RGS6: variants seen among roughly 807,000 people sequenced by gnomAD.
The protein encoded by RGS6 is regulator of G protein signaling 6.
A neutral mutation model predicts 78.5 loss-of-function variants in RGS6; 30 were observed. That is an observed-to-expected ratio of 0.38 (90% CI 0.29 to 0.52). The LOEUF is 0.52. Among genes scored for constraint, RGS6 ranks in the 20% least tolerant of loss-of-function variants. The pLI, the probability that RGS6 is intolerant of heterozygous loss-of-function variation, is 0.85. For synonymous variants in RGS6, 206 were observed against 206.0 expected (o/e 1.00, Z 0.00); for missense variants, 495 against 609.7 (o/e 0.81, Z 1.98).
intron 12 of RGS6, among the ~76,000 whole-genome samples, chr14:72,479,674 A>T (rs1371318657): frequency 6.6e-6 from 1 of 152,140 alleles, no homozygotes; most frequent in Non-Finnish European, 1.5e-5. Flanking sequence ...TAGGCTGCAG[A>T]ATCACCTCAT....
At position 72,042,394 on chromosome 14, in the gene RGS6, G is replaced by A. The variant is rs188842257; in HGVS notation, c.84+77519G>A. Reference sequence around the variant, plus strand: ...TCCTCCTGCTTCGGCCTCACAAAGTGCTGGGATTATGGGCATGAGCCACCG... The same window carrying A: ...TCCTCCTGCTTCGGCCTCACAAAGTACTGGGATTATGGGCATGAGCCACCG... On this transcript the variant is annotated intron_variant, in intron 2 of 17. Transcript: ENST00000553525. Among the ~76,000 whole-genome samples, 456 of 152,152 alleles carry A rather than the reference G, an allele frequency of 3.0e-3. 1 individual carries two copies. Among genetic ancestry groups the A allele is most frequent in the African/African-American group, 9.9e-3 (410 of 41,530 alleles).
intron 2 of RGS6, among the ~76,000 whole-genome samples, chr14:72,119,112 A>G (rs948496612): frequency 2.6e-5 from 4 of 152,134 alleles, no homozygotes; most frequent in Non-Finnish European, 1.5e-5. Context: ...ATGAGATTGA[A>G]TTGGGGGAGG....
intron 3 of RGS6, among the ~76,000 whole-genome samples, chr14:72,452,064 T>A (rs1013214782): frequency 2.6e-5 from 4 of 152,110 alleles, no homozygotes; most frequent in African/African-American, 9.7e-5. Context: ...CTATTTTTCT[T>A]TTGAGGAAAA....
chr14:72,438,335 G>A (rs761616037), intron 3 of RGS6, among the ~76,000 whole-genome samples: 5 of 151,928 alleles, frequency 3.3e-5, no homozygotes, highest in Non-Finnish European at 5.9e-5. Flanking sequence ...ATCCAGCCTC[G>A]CTGCCTGAAG....
chr14:72,157,364 A>G (rs149681), intron 2 of RGS6, among the ~76,000 whole-genome samples: 1 of 151,884 alleles, frequency 6.6e-6, no homozygotes, highest in Non-Finnish European at 1.5e-5. Flanking sequence ...AGTTCAGAAC[A>G]TTTGGGTTCC....
intron 2 of RGS6, among the ~76,000 whole-genome samples, chr14:72,061,894 A>G (rs1226140658): frequency 6.6e-6 from 1 of 152,206 alleles, no homozygotes; most frequent in Non-Finnish European, 1.5e-5. Flanking sequence ...CTCCACAAAC[A>G]TTTATTGGGC....
chr14:72,088,479 T>C (rs1597364484), intron 2 of RGS6, among the ~76,000 whole-genome samples: 1 of 152,166 alleles, frequency 6.6e-6, no homozygotes, highest in East Asian at 1.9e-4. Flanking sequence ...GGGCTTCATT[T>C]GAAATGATGG....
chr14:72,365,971 T>C (rs1177574549), intron 3 of RGS6, among the ~76,000 whole-genome samples: 1 of 152,098 alleles, frequency 6.6e-6, no homozygotes, highest in Non-Finnish European at 1.5e-5. Flanking sequence ...GGAGCCAAAG[T>C]CCTGGAGAAC....
At chr14:72,034,987 A>G (rs2091471207) in intron 2 of RGS6, among the ~76,000 whole-genome samples, 1 of 152,184 alleles carries the variant, frequency 6.6e-6, no homozygotes, top group African/African-American at 2.4e-5. Flanking sequence ...GTAGCATGAT[A>G]AAATCTCCCA....
the RGS6 span, among the ~76,000 whole-genome samples, chr14:72,605,351 G>A: frequency 6.6e-6 from 1 of 152,252 alleles, no homozygotes; most frequent in Non-Finnish European, 1.5e-5. Flanking sequence ...GAGATGGCAG[G>A]CGGGCGCTTG....
At chr14:72,112,384 G>GGGATTAAGAGATGCAAC (rs2153550377) in intron 2 of RGS6, among the ~76,000 whole-genome samples, 1 of 152,278 alleles carries the variant, frequency 6.6e-6, no homozygotes, top group South Asian at 2.1e-4. Context: ...TTCTCCTCCA[G>GGGATTAAGAGATGCAAC]GGATTAAGAG....
intron 12 of RGS6, among the ~76,000 whole-genome samples, chr14:72,484,044 G>A (rs1320242991): frequency 6.6e-6 from 1 of 151,490 alleles, no homozygotes; most frequent in Admixed American, 6.6e-5. Flanking sequence ...GTGCTGCTCT[G>A]CTTCTCATTT....
chr14:72,180,333 T>C (rs1001949588), intron 2 of RGS6, among the ~76,000 whole-genome samples: 8 of 152,234 alleles, frequency 5.3e-5, no homozygotes, highest in African/African-American at 1.9e-4. Context: ...AGATAGCAGC[T>C]GTTGTTGGAA....
chr14:72,304,340 C>T (rs2066756233), intron 2 of RGS6, among the ~76,000 whole-genome samples: 1 of 152,186 alleles, frequency 6.6e-6, no homozygotes, highest in Admixed American at 6.5e-5. Context: ...TAGAACTAGT[C>T]CATATTACCA....
At chr14:72,628,777 A>G in the RGS6 span, among the ~76,000 whole-genome samples, 2 of 152,202 alleles carry the variant, frequency 1.3e-5, no homozygotes, top group Non-Finnish European at 2.9e-5. Flanking sequence ...GACAGAGGAA[A>G]ATGTCAGACA....
the RGS6 span, chr14:72,629,850 A>C: frequency 1.2e-6 from 1 of 867,796 alleles, no homozygotes; most frequent in Non-Finnish European, 1.8e-6. Flanking sequence ...GGGTAGCATG[A>C]CGTAGGGAAA....
chr14:71,993,413 GTAA>G (rs1158722041), intron 2 of RGS6, among the ~76,000 whole-genome samples: 3 of 152,092 alleles, frequency 2.0e-5, no homozygotes, highest in African/African-American at 4.8e-5. Context: ...TATAATAATA[GTAA>G]TAATAATGAA....
At chr14:72,508,290 C>T (rs574272755) in intron 13 of RGS6, among the ~76,000 whole-genome samples, 25 of 152,190 alleles carry the variant, frequency 1.6e-4, no homozygotes, top group East Asian at 1.5e-3. Flanking sequence ...GGTTTGGATG[C>T]GGTATGTCTA....
chr14:72,420,184 C>G (rs1359067582), intron 3 of RGS6, among the ~76,000 whole-genome samples: 1 of 152,262 alleles, frequency 6.6e-6, no homozygotes, highest in Non-Finnish European at 1.5e-5. Context: ...CACTGATCTC[C>G]TGGCATAAAC....
Sources: gnomAD v4.1 joint callset for allele counts (sites outside exome capture counted in the v4.1 genomes callset) on GRCh38, gnomAD v4.1.1 for gene constraint, MANE v1.5 for transcripts, NCBI Gene and HGNC (gene_info 2026-07-23, HGNC 2026-07-21) for gene names.